The following NRXN1 variants were observed in gnomAD, a reference collection of about 807,000 sequenced individuals.
NRXN1 encodes the protein neurexin 1, also known as neurexin-1.
Under a neutral mutation model 150.9 loss-of-function variants are expected in NRXN1, and 39 were observed. The observed-to-expected ratio is 0.26, with a 90% CI of 0.20 to 0.34. The LOEUF (loss-of-function observed/expected upper bound fraction) is 0.34, where lower values mean the gene tolerates loss of function less well. Among genes scored for constraint, NRXN1 ranks in the 10% least tolerant of loss-of-function variants. The probability of loss-of-function intolerance (pLI) is 1.00; values close to 1 mark genes in which losing one functional copy is unlikely to be tolerated. For missense variants in NRXN1, 1,815 were observed against 1,949.9 expected, an observed-to-expected ratio of 0.93 and a Z score of 1.30; for synonymous variants, 924 against 757.0, an observed-to-expected ratio of 1.22 and a Z score of -3.62.
intron 19 of NRXN1, among the ~76,000 whole-genome samples, chr2:50,080,561 C>G (rs559934475): frequency 1.3e-5 from 2 of 152,178 alleles, no homozygotes; most frequent in African/African-American, 4.8e-5. Context: ...ACTGAGAGAC[C>G]TTTCCAAATG....
intron 5 of NRXN1, among the ~76,000 whole-genome samples, chr2:50,832,616 T>C (rs1041348502): frequency 3.3e-5 from 5 of 152,158 alleles, no homozygotes; most frequent in African/African-American, 1.2e-4. Flanking sequence ...GTCGCACCAC[T>C]GCACTCCAAC....
intron 5 of NRXN1, among the ~76,000 whole-genome samples, chr2:50,884,079 C>CA (rs369633047): frequency 6.6e-6 from 1 of 151,580 alleles, no homozygotes; most frequent in Non-Finnish European, 1.5e-5. Context: ...ATATAAAGCA[C>CA]AAAAAAATGT....
chr2:50,560,340 C>T (rs78850583), intron 8 of NRXN1, among the ~76,000 whole-genome samples: 2 of 152,250 alleles, frequency 1.3e-5, no homozygotes, highest in Non-Finnish European at 2.9e-5. Context: ...GTACCTACAA[C>T]TGTGGAGTGG....
chr2:49,976,243 G>T (rs1327323959), intron 21 of NRXN1, among the ~76,000 whole-genome samples: 1 of 150,546 alleles, frequency 6.6e-6, no homozygotes, highest in African/African-American at 2.4e-5. Context: ...ATGTTGGCCT[G>T]GTGGGTCTCA....
At chr2:50,199,310 A>G (rs561181322) in intron 18 of NRXN1, 4 of 152,266 alleles carry the variant, frequency 2.6e-5, no homozygotes, top group Non-Finnish European at 4.4e-5. Flanking sequence ...TTTTTAAAAA[A>G]ATAGTATTTT....
chr2:50,881,117 A>G (rs982877601), intron 5 of NRXN1, among the ~76,000 whole-genome samples: 1 of 151,936 alleles, frequency 6.6e-6, no homozygotes, highest in African/African-American at 2.4e-5. Flanking sequence ...CTCTGAGACA[A>G]AGCAAACAGA....
chr2:50,152,661 T>C (rs531139656), intron 18 of NRXN1, among the ~76,000 whole-genome samples: 11 of 151,902 alleles, frequency 7.2e-5, no homozygotes, highest in African/African-American at 2.4e-4. Context: ...CATTGCCTTC[T>C]GGCCTTCAAA....
chr2:50,944,187 T>C (rs1240370832), intron 2 of NRXN1, among the ~76,000 whole-genome samples: 4 of 152,206 alleles, frequency 2.6e-5, no homozygotes, highest in Non-Finnish European at 5.9e-5. Context: ...TTGCCAATTG[T>C]TGTGCAAAAA....
intron 21 of NRXN1, among the ~76,000 whole-genome samples, chr2:50,002,767 T>G (rs1684154347): frequency 6.6e-6 from 1 of 152,040 alleles, no homozygotes; most frequent in Non-Finnish European, 1.5e-5. Flanking sequence ...AAGCTTGGCT[T>G]GTAGTTAGTT....
At chr2:50,791,577 G>T (rs1706054635) in intron 5 of NRXN1, among the ~76,000 whole-genome samples, 1 of 152,042 alleles carries the variant, frequency 6.6e-6, no homozygotes, top group South Asian at 2.1e-4. Flanking sequence ...TTTGCCAAAT[G>T]CACACTGGAG....
chr2:50,763,285 T>C (rs891073374), intron 5 of NRXN1, among the ~76,000 whole-genome samples: 1 of 151,970 alleles, frequency 6.6e-6, no homozygotes, highest in Admixed American at 6.6e-5. Context: ...TTTTCAACAT[T>C]TGTATCAGAC....
At chr2:50,954,118 C>T (rs1297658194) in intron 2 of NRXN1, among the ~76,000 whole-genome samples, 2 of 152,104 alleles carry the variant, frequency 1.3e-5, no homozygotes, top group African/African-American at 4.8e-5. Context: ...ATCACTACTT[C>T]CTCTCTCTGA....
intron 18 of NRXN1, among the ~76,000 whole-genome samples, chr2:50,224,673 AAGAGAGAGAGAGAGGGAGAAAGAGAG>A (rs909722651): frequency 4.3e-5 from 6 of 140,334 alleles, no homozygotes; most frequent in African/African-American, 1.6e-4. Flanking sequence ...CAGAAGATTA[AAGAGAGAGAGAGAGGGAGAAAGAGAG>A]AGAGAGAGAG....
chr2:50,098,838 T>G (rs1558874488), intron 18 of NRXN1, among the ~76,000 whole-genome samples: 10 of 6,782 alleles, frequency 1.5e-3, no homozygotes, highest in African/African-American at 9.1e-3. Context: ...TAGTTTTTTT[T>G]TTTTTTTTTT....
chr2:50,941,397 G>C (rs896269774), intron 2 of NRXN1, among the ~76,000 whole-genome samples: 4 of 152,284 alleles, frequency 2.6e-5, no homozygotes, highest in Middle Eastern at 3.4e-3. Context: ...CTCAGAAGAA[G>C]ACAGGAAGAT....
chr2:49,979,116 G>C (rs1165792158), intron 21 of NRXN1, among the ~76,000 whole-genome samples: 1 of 152,142 alleles, frequency 6.6e-6, no homozygotes, highest in African/African-American at 2.4e-5. Context: ...GGCCAACATG[G>C]TGAAACCCTG....
At chr2:49,979,435 T>C (rs1679591321) in intron 21 of NRXN1, among the ~76,000 whole-genome samples, 1 of 152,148 alleles carries the variant, frequency 6.6e-6, no homozygotes, top group Admixed American at 6.6e-5. Context: ...AGTATTATCT[T>C]CCAAAATATT....
intron 8 of NRXN1, among the ~76,000 whole-genome samples, chr2:50,555,003 T>C (rs1437722172): frequency 2.6e-5 from 4 of 152,204 alleles, no homozygotes; most frequent in African/African-American, 4.8e-5. Context: ...GAAAAATTTA[T>C]TTAGGATTGC....
intron 17 of NRXN1, among the ~76,000 whole-genome samples, chr2:50,352,322 C>A (rs2153002022): frequency 6.6e-6 from 1 of 152,200 alleles, no homozygotes; most frequent in African/African-American, 2.4e-5. Context: ...CAAAAATCAA[C>A]CTTTTTGTCT....
Sources: allele counts gnomAD v4.1 joint callset (sites outside exome capture counted in the v4.1 genomes callset), GRCh38; gene constraint gnomAD v4.1.1; transcripts MANE v1.5; gene names NCBI Gene and HGNC (gene_info 2026-07-23, HGNC 2026-07-21).